Variants in CEMIP2 observed in about 807,000 individuals in gnomAD.
The protein encoded by CEMIP2 is cell migration inducing hyaluronidase 2.
In CEMIP2, 79 loss-of-function variants were observed where a neutral mutation model predicts 146.9. That is an observed-to-expected ratio of 0.54 (90% confidence interval 0.45 to 0.65). CEMIP2 has a LOEUF of 0.65. Among genes scored for constraint, CEMIP2 ranks in the 30% least tolerant of loss-of-function variants. The pLI is 0.00. For synonymous variants in CEMIP2, 601 were observed against 606.3 expected (o/e 0.99, Z 0.13); for missense variants, 1,596 against 1,696.2 (o/e 0.94, Z 1.04).
chr9:71,720,882 G>T (rs1252697499), intron 12 of CEMIP2, among the ~76,000 whole-genome samples: 2 of 152,046 alleles, frequency 1.3e-5, no homozygotes, highest in Non-Finnish European at 2.9e-5. Context: ...ACTAGTAAGA[G>T]AAATAAATAA....
rs1194120273 is a variant in CEMIP2, at chr9:71,732,928, CAGAA to C, written c.1394-412_1394-409del. The stretch of plus-strand genomic sequence containing the variant: ...GCCAATTCTCAAACCCACACACTGA[CAGAA>C]AGCTTGTTCCTTCCTGAAGCAGCTC... On this transcript the variant is annotated intron_variant, in intron 6 of 23. Coordinates refer to ENST00000377044, the MANE Select transcript of CEMIP2 (RefSeq NM_013390.3). 6.6e-5 allele frequency among the ~76,000 whole-genome samples: 10 copies of C among 152,110 alleles called. No individual in the cohort carries two copies. The South Asian group carries it at 2.1e-3, about 32-fold the overall frequency.
rs149563104 is a variant in CEMIP2, at chr9:71,750,309, C to T, written c.65G>A (p.Arg22His). 54 of 1,613,588 alleles carry T rather than the reference C, an allele frequency of 3.3e-5. No individual in the cohort carries two copies. The highest frequency in any genetic ancestry group is 1.7e-4 in the Middle Eastern group (1 of 6,060). The stretch of plus-strand genomic sequence containing the variant: ...CCCTGGAACATAGCCAGATGGGTGA[C>T]GACTATTTCCATTCTGAGGTTGGAG... ...AFLQPQNGNS[R>H]HPSGYVPGKV... The change falls in exon 2 of 24, where the codon CGT (arginine) becomes CAT (histidine). Residue 22 changes from arginine to histidine, a missense_variant. Arg to His is a conservative substitution (Grantham distance 29, BLOSUM62 0). Transcript: ENST00000377044.
At chr9:71,755,407 T>A (rs115326866) in intron 1 of CEMIP2, among the ~76,000 whole-genome samples, 1,998 of 147,034 alleles carry the variant, frequency 0.014, 32 homozygotes, top group African/African-American at 0.049. Flanking sequence ...GTTGTGGTGG[T>A]TCCATGCCTG....
At chr9:71,689,386 G>A (rs745324988) in intron 22 of CEMIP2, among the ~76,000 whole-genome samples, 12 of 152,138 alleles carry the variant, frequency 7.9e-5, no homozygotes, top group Admixed American at 1.3e-4. Context: ...CAACATCTGC[G>A]GCAAAGGCAG....
intron 1 of CEMIP2, among the ~76,000 whole-genome samples, chr9:71,756,214 GGCT>G (rs1472821989): frequency 6.2e-3 from 872 of 140,916 alleles, no homozygotes; most frequent in Non-Finnish European, 9.0e-3. Context: ...TAGATAGATA[GGCT>G]ATATATATAT....
At chr9:71,719,298 T>C (rs1164746021) in intron 12 of CEMIP2, among the ~76,000 whole-genome samples, 1 of 151,952 alleles carries the variant, frequency 6.6e-6, no homozygotes, top group East Asian at 1.9e-4. Context: ...CGAGAGAAAA[T>C]AGCAAGTGCA....
intron 2 of CEMIP2, among the ~76,000 whole-genome samples, chr9:71,747,580 G>C (rs914258659): frequency 1.3e-5 from 2 of 152,082 alleles, no homozygotes; most frequent in Non-Finnish European, 2.9e-5. Flanking sequence ...ACTCAGCTAA[G>C]GTAAGAATAA....
At chr9:71,746,085 A>T in intron 3 of CEMIP2, 116 bp downstream of exon 3, 3 of 1,138,170 alleles carry the variant, frequency 2.6e-6, no homozygotes, top group Non-Finnish European at 3.7e-6. Context: ...GGTTAGAGTG[A>T]CACCACAAAC....
intron 10 of CEMIP2, 42 bp from the exon 11 acceptor site, chr9:71,725,751 C>T (rs1222350611): frequency 5.0e-6 from 8 of 1,587,456 alleles, no homozygotes; most frequent in South Asian, 3.4e-5. Context: ...CTAATTTATA[C>T]AGATATCTAT....
intron 15 of CEMIP2, among the ~76,000 whole-genome samples, chr9:71,713,509 T>C (rs187196060): frequency 5.9e-5 from 9 of 152,326 alleles, no homozygotes; most frequent in Admixed American, 2.6e-4. Flanking sequence ...TGTAAAGATA[T>C]GATCATATTA....
At chr9:71,758,092 T>A (rs1288987929) in intron 1 of CEMIP2, among the ~76,000 whole-genome samples, 11 of 152,168 alleles carry the variant, frequency 7.2e-5, no homozygotes, top group Admixed American at 7.2e-4. Context: ...CAGGATAATA[T>A]ACATTTTTTA....
intron 15 of CEMIP2, among the ~76,000 whole-genome samples, chr9:71,713,696 A>G (rs1822971326): frequency 6.6e-6 from 1 of 152,178 alleles, no homozygotes; most frequent in Non-Finnish European, 1.5e-5. Flanking sequence ...AAAAATCTAC[A>G]CCTTAGAAAC....
chr9:71,720,092 G>C (rs1823189912), intron 12 of CEMIP2, among the ~76,000 whole-genome samples: 1 of 152,074 alleles, frequency 6.6e-6, no homozygotes, highest in Admixed American at 6.6e-5. Flanking sequence ...TCATCATTGA[G>C]TTTTCAGCAC....
intron 14 of CEMIP2, among the ~76,000 whole-genome samples, chr9:71,715,406 G>A (rs1391702435): frequency 6.6e-6 from 1 of 151,076 alleles, no homozygotes; most frequent in Non-Finnish European, 1.5e-5. Context: ...ACCATGCCCA[G>A]ATAATTTTTT....
chr9:71,746,153 C>T, intron 3 of CEMIP2, 48 bp downstream of exon 3: 2 of 1,589,376 alleles, frequency 1.3e-6, no homozygotes, highest in Non-Finnish European at 1.7e-6. Context: ...ATATCCCCCA[C>T]ATTAAAGAGC....
At chr9:71,699,287 A>G in intron 19 of CEMIP2, 1 of 296,994 alleles carries the variant, frequency 3.4e-6, no homozygotes, top group South Asian at 2.9e-5. Flanking sequence ...TAGTTGTTTA[A>G]GTCTAAACAA....
chr9:71,758,138 C>T (rs1350099450), intron 1 of CEMIP2, among the ~76,000 whole-genome samples: 2 of 152,088 alleles, frequency 1.3e-5, no homozygotes, highest in African/African-American at 4.8e-5. Flanking sequence ...AACATAAATG[C>T]TAGGTCTATA....
chr9:71,723,685 T>C (rs547150393), intron 11 of CEMIP2, among the ~76,000 whole-genome samples: 1 of 152,276 alleles, frequency 6.6e-6, no homozygotes, highest in Admixed American at 6.5e-5. Flanking sequence ...ATTCAAAGGG[T>C]ACTCAGTAAG....
intron 1 of CEMIP2, 62 bp from the exon 2 acceptor site, chr9:71,750,447 T>G: frequency 8.3e-7 from 1 of 1,206,502 alleles, no homozygotes. Flanking sequence ...TTTCTTTTAT[T>G]TATTTATTTA....
Sources: allele counts gnomAD v4.1 joint callset (sites outside exome capture counted in the v4.1 genomes callset), GRCh38; gene constraint gnomAD v4.1.1; transcripts MANE v1.5; gene names NCBI Gene and HGNC (gene_info 2026-07-23, HGNC 2026-07-21).